HYDIN: variants seen among roughly 807,000 people sequenced by gnomAD.
The protein encoded by HYDIN is HYDIN axonemal central pair apparatus protein.
HYDIN carries 132 observed loss-of-function variants against 403.9 expected under a neutral mutation model. The ratio of observed to expected loss-of-function variants is 0.33; its 90% CI spans 0.28 to 0.38. HYDIN has a LOEUF of 0.38. Ranked by LOEUF, HYDIN falls within the 10% of genes least tolerant of loss-of-function variation. The probability of loss-of-function intolerance (pLI) is 1.00; values close to 1 mark genes in which losing one functional copy is unlikely to be tolerated. For synonymous variants in HYDIN, 1,202 were observed against 1,891.7 expected, an observed-to-expected ratio of 0.64 and a Z score of 9.46; for missense variants, 2,827 against 5,009.5, an observed-to-expected ratio of 0.56 and a Z score of 13.15.
chr16:70,894,325 C>G (rs1331336588), intron 55 of HYDIN, 124 bp downstream of exon 55: 1 of 1,370,002 alleles, frequency 7.3e-7, no homozygotes, highest in African/African-American at 1.5e-5. Context: ...ACGCTATTCC[C>G]CACGGTGGAC....
chr16:70,936,723 G>A (rs2077503943), intron 44 of HYDIN, among the ~76,000 whole-genome samples: 1 of 148,224 alleles, frequency 6.7e-6, no homozygotes, highest in Non-Finnish European at 1.5e-5. Flanking sequence ...GTAGAGACGG[G>A]GTTTCGCCAT....
Position 71,088,535 on chromosome 16 carries a change from A to T in HYDIN, c.1447-11T>A. Reference sequence around the variant, plus strand: ...GTTGTACAGTATCGCCTATATCAATAAAAGGCAAGAATGTGAAGGTCAATG... The same window carrying T: ...GTTGTACAGTATCGCCTATATCAATTAAAGGCAAGAATGTGAAGGTCAATG... On this transcript the variant is annotated splice_polypyrimidine_tract_variant and intron_variant, in intron 11 of 85. Transcript: ENST00000393567. The T allele has an allele frequency of 1.6e-6, 1 of 627,842 alleles. No individual in the cohort carries two copies. Among genetic ancestry groups the T allele is most frequent in the Non-Finnish European group, 2.9e-6 (1 of 344,382 alleles). The allele number at this position is 627,842 out of a possible 1,614,324, so 38.9% of individuals were successfully genotyped here. A position where few individuals can be genotyped will look rare whatever the true frequency, so the allele number is the denominator to read the frequency against.
chr16:71,180,627 A>G (rs77570604), intron 3 of HYDIN, among the ~76,000 whole-genome samples: 1 of 151,150 alleles, frequency 6.6e-6, no homozygotes, highest in Non-Finnish European at 1.5e-5. Flanking sequence ...AGATGAAAGA[A>G]AGAGAAAAAA....
rs747963150 is a variant in HYDIN, at chr16:70,872,086, A to C, written c.11042T>G (p.Leu3681Trp). ...TGAAACAGGCCATTCAAACCGTATC[A>C]AGTTCACTTGGCTGTGATTTGTGAC... Reference protein sequence around the residue: ...FTVTNHSQVNLIRFEWPVSAT... With the variant: ...FTVTNHSQVNWIRFEWPVSAT... Residue 3681 changes from leucine (L) to tryptophan (W), a missense_variant, in exon 65 of 86, where the codon TTG (leucine) becomes TGG (tryptophan). By Grantham distance (61) the Leu-to-Trp change is moderately conservative. Coordinates refer to ENST00000393567, the MANE Select transcript of HYDIN (RefSeq NM_001270974.2). 5.8e-6 allele frequency: 9 copies of C among 1,565,216 alleles called. No homozygotes were observed. The highest frequency in any genetic ancestry group is 1.9e-5 in the Admixed American group (1 of 52,902).
intron 8 of HYDIN, among the ~76,000 whole-genome samples, chr16:71,135,849 T>C (rs1281047250): frequency 7.0e-6 from 1 of 143,044 alleles, no homozygotes; most frequent in Middle Eastern, 3.4e-3. Context: ...AAGCTCATTG[T>C]CTGAATGACA....
intron 1 of HYDIN, among the ~76,000 whole-genome samples, chr16:71,206,961 T>A (rs1598030725): frequency 1.3e-5 from 2 of 152,132 alleles, no homozygotes; most frequent in Non-Finnish European, 2.9e-5. Flanking sequence ...CTGGTGTCCA[T>A]GAAAGAGACT....
intron 41 of HYDIN, among the ~76,000 whole-genome samples, chr16:70,946,705 A>G (rs1375142621): frequency 6.6e-6 from 1 of 152,122 alleles, no homozygotes; most frequent in Non-Finnish European, 1.5e-5. Context: ...CTGTAAAGTG[A>G]GAAGATGGCT....
chr16:70,896,214 C>T, intron 53 of HYDIN, 134 bp from the exon 54 acceptor site: 4 of 842,452 alleles, frequency 4.7e-6, no homozygotes, highest in East Asian at 2.7e-5. Flanking sequence ...TTTATCTTCG[C>T]CAAGCATTTG....
chr16:71,194,934 A>G (rs1485875848), intron 1 of HYDIN, among the ~76,000 whole-genome samples: 1 of 152,208 alleles, frequency 6.6e-6, no homozygotes, highest in Non-Finnish European at 1.5e-5. Flanking sequence ...ATGACTGGCT[A>G]CCTCCAGGGT....
At chr16:71,115,541 G>T (rs536297404) in intron 10 of HYDIN, among the ~76,000 whole-genome samples, 155 bp downstream of exon 10, 56 of 152,250 alleles carry the variant, frequency 3.7e-4, no homozygotes, top group Non-Finnish European at 7.5e-4. Flanking sequence ...GGCATAGCTT[G>T]GCTCCATAAT....
At chr16:70,870,348 C>T (rs1045032845) in intron 65 of HYDIN, among the ~76,000 whole-genome samples, 2 of 151,368 alleles carry the variant, frequency 1.3e-5, no homozygotes, top group Non-Finnish European at 2.9e-5. Context: ...TAGGGCATGT[C>T]AGAGACCTTT....
At chr16:71,034,799 T>C (rs1266355472) in intron 18 of HYDIN, among the ~76,000 whole-genome samples, 3 of 151,656 alleles carry the variant, frequency 2.0e-5, no homozygotes, top group South Asian at 2.1e-4. Flanking sequence ...TAATTTTTGG[T>C]ATTAATGGAA....
chr16:70,998,716 C>A (rs2079608026), intron 23 of HYDIN, among the ~76,000 whole-genome samples: 1 of 145,770 alleles, frequency 6.9e-6, no homozygotes, highest in South Asian at 2.2e-4. Context: ...CTAAAGGGAG[C>A]AGATTATAAT....
At chr16:70,992,761 C>T (rs185036911) in intron 23 of HYDIN, among the ~76,000 whole-genome samples, 122 of 152,240 alleles carry the variant, frequency 8.0e-4, no homozygotes, top group Admixed American at 3.5e-3. Flanking sequence ...TAGTCCTGGT[C>T]CCACCAATGA....
chr16:71,226,094 T>C (rs780545348), intron 1 of HYDIN, among the ~76,000 whole-genome samples: 64 of 152,322 alleles, frequency 4.2e-4, no homozygotes, highest in Non-Finnish European at 5.3e-4. Context: ...AAGGAACCAA[T>C]GTTGCCAATT....
rs374205374 is a variant in HYDIN at position 71,098,203 on chromosome 16, C to CT, written c.1328-4269dup. ...CTAAACTATAGATAAAACTTTCTTTCTTTTTTTTTTTTTTTTGAGATGGAG... is the reference window on the plus strand; with the variant it reads ...CTAAACTATAGATAAAACTTTCTTTCTTTTTTTTTTTTTTTTTGAGATGGAG... On this transcript the variant is annotated intron_variant, in intron 10 of 85. Coordinates refer to ENST00000393567, the MANE Select transcript of HYDIN (RefSeq NM_001270974.2). Among the ~76,000 whole-genome samples, 251 of 130,400 alleles carry CT rather than the reference C, an allele frequency of 1.9e-3. 5 individuals carry two copies. Among genetic ancestry groups the CT allele is most frequent in the Middle Eastern group, 4.2e-3 (1 of 238 alleles). The allele number at this position is 130,400 out of a possible 152,430, so 85.5% of individuals were successfully genotyped here. A position where few individuals can be genotyped will look rare whatever the true frequency, so the allele number is the denominator to read the frequency against.
chr16:71,229,816 A>T (rs1295823179), intron 1 of HYDIN, among the ~76,000 whole-genome samples: 1 of 152,236 alleles, frequency 6.6e-6, no homozygotes. Flanking sequence ...TACTTATTGC[A>T]GTAAGTACAT....
intron 85 of HYDIN, 115 bp downstream of exon 85, chr16:70,809,668 G>A (rs907308417): frequency 2.5e-5 from 21 of 839,770 alleles, no homozygotes; most frequent in Middle Eastern, 3.6e-4. Flanking sequence ...CCATGACAAC[G>A]AAGCACCTGA....
intron 3 of HYDIN, among the ~76,000 whole-genome samples, chr16:71,182,116 T>C (rs570782386): frequency 6.6e-6 from 1 of 152,184 alleles, no homozygotes; most frequent in African/African-American, 2.4e-5. Flanking sequence ...AAGAGCAGCA[T>C]AGGGAAAATT....
Sources: allele counts gnomAD v4.1 joint callset (sites outside exome capture counted in the v4.1 genomes callset), GRCh38; gene constraint gnomAD v4.1.1; transcripts MANE v1.5; gene names NCBI Gene and HGNC (gene_info 2026-07-23, HGNC 2026-07-21).